OR1J2: variants seen among roughly 807,000 people sequenced by gnomAD.
The protein encoded by OR1J2 is olfactory receptor family 1 subfamily J member 2, also known as olfactory receptor 1J2.
For missense variants in OR1J2, 304 were observed against 246.1 expected, an observed-to-expected ratio of 1.24 and a Z score of -1.57; for synonymous variants, 142 against 99.7, an observed-to-expected ratio of 1.42 and a Z score of -2.52.
chr9:122,571,368 G>A, the OR1J2 span, among the ~76,000 whole-genome samples: 6 of 151,990 alleles, frequency 3.9e-5, no homozygotes, highest in Non-Finnish European at 5.9e-5. Context: ...TGGCCAACAC[G>A]GTTAAATCCT....
chr9:122,527,079 G>A, the OR1J2 span: 59 of 1,614,194 alleles, frequency 3.7e-5, no homozygotes, highest in Middle Eastern at 1.6e-4. Flanking sequence ...TGTGGAGGAC[G>A]TTAAACCCAT....
At chr9:122,541,864 A>G in the OR1J2 span, among the ~76,000 whole-genome samples, 1 of 152,332 alleles carries the variant, frequency 6.6e-6, no homozygotes, top group Middle Eastern at 3.4e-3. Flanking sequence ...ATATATCAGC[A>G]AAGTCCATGA....
At chr9:122,452,767 G>A in the OR1J2 span, among the ~76,000 whole-genome samples, 39 of 152,146 alleles carry the variant, frequency 2.6e-4, no homozygotes, top group Admixed American at 5.2e-4. Flanking sequence ...AGTGGCTCAC[G>A]CCTGTAATCT....
At chr9:122,517,780 C>A in the OR1J2 span, among the ~76,000 whole-genome samples, 2 of 151,696 alleles carry the variant, frequency 1.3e-5, no homozygotes, top group Admixed American at 1.3e-4. Flanking sequence ...CACAGGTAAA[C>A]GTGTGCCATG....
chr9:122,516,153 C>A (rs1828697450), downstream of OR1J2, among the ~76,000 whole-genome samples: 1 of 152,096 alleles, frequency 6.6e-6, no homozygotes, highest in Non-Finnish European at 1.5e-5. Context: ...TGATTTGAAT[C>A]CCTTCTGTCT....
the OR1J2 span, among the ~76,000 whole-genome samples, chr9:122,485,714 C>G: frequency 6.6e-6 from 1 of 152,106 alleles, no homozygotes; most frequent in Non-Finnish European, 1.5e-5. Context: ...TTTGGGGATC[C>G]AGGTTTGGAT....
At chr9:122,561,708 C>T in the OR1J2 span, among the ~76,000 whole-genome samples, 1 of 152,192 alleles carries the variant, frequency 6.6e-6, no homozygotes, top group Non-Finnish European at 1.5e-5. Flanking sequence ...TGGGTGCCTG[C>T]TCCTTCCATT....
chr9:122,536,547 C>CTT, the OR1J2 span, among the ~76,000 whole-genome samples: 2 of 152,208 alleles, frequency 1.3e-5, no homozygotes, highest in Non-Finnish European at 2.9e-5. Flanking sequence ...CTTGACCAAA[C>CTT]TTTAGATAGA....
chr9:122,567,384 G>A, the OR1J2 span: 3 of 515,100 alleles, frequency 5.8e-6, no homozygotes, highest in Non-Finnish European at 1.0e-5. Flanking sequence ...GATACAGGCC[G>A]AATTGTTGGG....
the OR1J2 span, among the ~76,000 whole-genome samples, chr9:122,525,635 TA>T: frequency 6.6e-6 from 1 of 152,112 alleles, no homozygotes; most frequent in African/African-American, 2.4e-5. Context: ...TCTCATCTAA[TA>T]GTCACTAAAA....
the OR1J2 span, among the ~76,000 whole-genome samples, chr9:122,449,689 A>G: frequency 6.6e-6 from 1 of 152,076 alleles, no homozygotes; most frequent in Non-Finnish European, 1.5e-5. Context: ...ATTTCTATCT[A>G]TCATTTTTCT....
upstream of OR1J2, among the ~76,000 whole-genome samples, chr9:122,510,042 G>C (rs541596889): frequency 2.0e-5 from 3 of 152,216 alleles, no homozygotes; most frequent in African/African-American, 4.8e-5. Context: ...AATGCATGTG[G>C]GGCTTAATAC....
chr9:122,481,880 T>G, the OR1J2 span, among the ~76,000 whole-genome samples: 1 of 152,142 alleles, frequency 6.6e-6, no homozygotes, highest in South Asian at 2.1e-4. Context: ...ATTAAGGACT[T>G]AAATATAAGA....
chr9:122,525,311 G>A, the OR1J2 span, among the ~76,000 whole-genome samples: 2 of 152,130 alleles, frequency 1.3e-5, no homozygotes, highest in Non-Finnish European at 2.9e-5. Flanking sequence ...TGCTCCATAA[G>A]TATTCATTGA....
the OR1J2 span, among the ~76,000 whole-genome samples, chr9:122,482,623 A>G: frequency 6.6e-6 from 1 of 152,344 alleles, no homozygotes; most frequent in African/African-American, 2.4e-5. Context: ...AATGTCCATC[A>G]GTGGATAAAT....
the OR1J2 span, among the ~76,000 whole-genome samples, chr9:122,522,417 T>C: frequency 6.6e-6 from 1 of 152,322 alleles, no homozygotes; most frequent in African/African-American, 2.4e-5. Flanking sequence ...TAACACACAA[T>C]TCTGACATGG....
the OR1J2 span, among the ~76,000 whole-genome samples, chr9:122,530,476 T>G: frequency 2.0e-5 from 3 of 152,216 alleles, no homozygotes; most frequent in African/African-American, 7.2e-5. Context: ...TAGTGTTAAC[T>G]CTCATAATTG....
At chr9:122,520,703 T>A in the OR1J2 span, among the ~76,000 whole-genome samples, 1 of 152,226 alleles carries the variant, frequency 6.6e-6, no homozygotes, top group Non-Finnish European at 1.5e-5. Context: ...CTCCAGGTAA[T>A]GAATGAGAAG....
At chr9:122,467,660 C>T in the OR1J2 span, among the ~76,000 whole-genome samples, 5 of 152,186 alleles carry the variant, frequency 3.3e-5, no homozygotes, top group Admixed American at 2.6e-4. Context: ...AACCAGATGG[C>T]ACTGCAAGGT....
Sources: allele counts gnomAD v4.1 joint callset (sites outside exome capture counted in the v4.1 genomes callset), GRCh38; gene constraint gnomAD v4.1.1; transcripts MANE v1.5; gene names NCBI Gene and HGNC (gene_info 2026-07-23, HGNC 2026-07-21).